GALNT14: variants seen among roughly 807,000 people sequenced by gnomAD.
The protein encoded by GALNT14 is polypeptide N-acetylgalactosaminyltransferase 14.
In GALNT14, 60 loss-of-function variants were observed where a neutral mutation model predicts 77.5. That is an observed-to-expected ratio of 0.77 (90% confidence interval 0.63 to 0.96). The LOEUF (loss-of-function observed/expected upper bound fraction) is 0.96, where lower values mean the gene tolerates loss of function less well. GALNT14 is among the 40% of genes least tolerant of loss of function. GALNT14 has a pLI of 0.00. For missense variants in GALNT14, 710 were observed against 731.0 expected (o/e 0.97, Z 0.33); for synonymous variants, 280 against 281.7 (o/e 0.99, Z 0.06).
At chr2:30,934,298 T>C (rs28393426) in intron 9 of GALNT14, among the ~76,000 whole-genome samples, 2 of 152,126 alleles carry the variant, frequency 1.3e-5, no homozygotes, top group Non-Finnish European at 1.5e-5. Flanking sequence ...TTCAGTCTCA[T>C]GTCTGTGCTC....
chr2:30,895,964 G>A, the GALNT14 span, among the ~76,000 whole-genome samples: 1 of 152,138 alleles, frequency 6.6e-6, no homozygotes, highest in African/African-American at 2.4e-5. Flanking sequence ...GGGAGGCATG[G>A]CCACTGAGAA....
intron 1 of GALNT14, among the ~76,000 whole-genome samples, chr2:31,003,719 T>C (rs1670500761): frequency 6.6e-6 from 1 of 152,202 alleles, no homozygotes; most frequent in East Asian, 1.9e-4. Context: ...CCAATAATTA[T>C]TATAATTGCC....
At chr2:31,083,805 T>A (rs979466130) in intron 1 of GALNT14, among the ~76,000 whole-genome samples, 1 of 152,100 alleles carries the variant, frequency 6.6e-6, no homozygotes, top group Non-Finnish European at 1.5e-5. Flanking sequence ...TCCAAGTCCT[T>A]CCCTATGTGT....
At chr2:30,926,574 G>A (rs1209271867) in intron 11 of GALNT14, among the ~76,000 whole-genome samples, 7 of 152,182 alleles carry the variant, frequency 4.6e-5, no homozygotes, top group Admixed American at 4.6e-4. Flanking sequence ...TAATGCCAGA[G>A]AGAATATGTA....
chr2:30,967,608 T>C (rs1668089116), intron 2 of GALNT14, among the ~76,000 whole-genome samples: 3 of 152,212 alleles, frequency 2.0e-5, no homozygotes, highest in African/African-American at 4.8e-5. Context: ...CTGTCCTCTC[T>C]GCCAGAAACA....
intron 1 of GALNT14, among the ~76,000 whole-genome samples, chr2:31,030,949 G>C (rs1573201096): frequency 6.6e-6 from 1 of 152,180 alleles, no homozygotes; most frequent in Non-Finnish European, 1.5e-5. Context: ...GAAGGATTTT[G>C]ATAGCCCCAG....
rs547052626 is a variant in GALNT14 at position 31,138,393 on chromosome 2, TGCCGCCGCCGCC to T, written c.-319_-308del. 5 of 341,138 alleles carry T rather than the reference TGCCGCCGCCGCC, an allele frequency of 1.5e-5. No homozygotes were observed. The highest frequency in any genetic ancestry group is 2.7e-5 in the Non-Finnish European group (5 of 186,000). 21.1% of individuals were successfully genotyped at this position (341,138 alleles called of 1,614,324 possible). A position where few individuals can be genotyped will look rare whatever the true frequency, so the allele number is the denominator to read the frequency against. On this transcript the variant is annotated 5_prime_UTR_variant, in exon 1 of 15. Coordinates refer to ENST00000349752, the MANE Select transcript of GALNT14 (RefSeq NM_024572.4). ...ATGTTCCCCACGCCGCCACCGCGGC[TGCCGCCGCCGCC>T]GCCGCCGCCTTGCCCGCTGCCGCCG...
intron 1 of GALNT14, among the ~76,000 whole-genome samples, chr2:31,039,597 A>G (rs1356335874): frequency 6.6e-6 from 1 of 152,154 alleles, no homozygotes; most frequent in Non-Finnish European, 1.5e-5. Context: ...TCTTCCTCAT[A>G]TGTTCCCTCA....
intron 1 of GALNT14, among the ~76,000 whole-genome samples, chr2:31,065,704 A>G (rs947183729): frequency 1.2e-4 from 19 of 152,166 alleles, no homozygotes; most frequent in Non-Finnish European, 1.9e-4. Flanking sequence ...TTGAAGCACT[A>G]TGGAAGGCAT....
chr2:31,009,622 A>G (rs1267735695), intron 1 of GALNT14, among the ~76,000 whole-genome samples: 3 of 152,198 alleles, frequency 2.0e-5, no homozygotes, highest in Non-Finnish European at 4.4e-5. Flanking sequence ...TGCCCACTTA[A>G]GGTCTCACAA....
intron 1 of GALNT14, among the ~76,000 whole-genome samples, chr2:31,102,931 A>G (rs534934038): frequency 6.6e-6 from 1 of 152,024 alleles, no homozygotes; most frequent in Admixed American, 6.6e-5. Context: ...ACTACTTTTT[A>G]TATCTCTATT....
At chr2:31,079,635 C>G (rs577507475) in intron 1 of GALNT14, among the ~76,000 whole-genome samples, 1 of 152,300 alleles carries the variant, frequency 6.6e-6, no homozygotes, top group East Asian at 1.9e-4. Context: ...GCTAATAAAA[C>G]CCTACGTCTC....
intron 10 of GALNT14, among the ~76,000 whole-genome samples, chr2:30,930,806 C>T (rs1665680516): frequency 1.3e-5 from 2 of 152,230 alleles, no homozygotes; most frequent in Non-Finnish European, 2.9e-5. Context: ...CTCCCTGGCC[C>T]CTTCCACTGA....
chr2:31,050,783 T>G (rs1212831049), intron 1 of GALNT14, among the ~76,000 whole-genome samples: 1 of 151,774 alleles, frequency 6.6e-6, no homozygotes, highest in Non-Finnish European at 1.5e-5. Flanking sequence ...TGTTTTTTTT[T>G]TTTTTTCAAA....
chr2:30,934,318 C>T (rs895320965), intron 9 of GALNT14, among the ~76,000 whole-genome samples: 4 of 152,178 alleles, frequency 2.6e-5, no homozygotes, highest in South Asian at 2.1e-4. Flanking sequence ...CCAATCAACT[C>T]CTCTCCAGAG....
At chr2:31,098,614 T>C (rs539303964) in intron 1 of GALNT14, among the ~76,000 whole-genome samples, 2 of 152,256 alleles carry the variant, frequency 1.3e-5, no homozygotes, top group South Asian at 4.1e-4. Context: ...GATGTAAGTA[T>C]AAATGCGGTT....
chr2:31,026,187 G>A (rs1206946520), intron 1 of GALNT14, among the ~76,000 whole-genome samples: 3 of 152,160 alleles, frequency 2.0e-5, no homozygotes, highest in Non-Finnish European at 2.9e-5. Flanking sequence ...AGTAAGGGGC[G>A]GGGCCACTGG....
At chr2:30,987,059 T>G (rs974762188) in intron 2 of GALNT14, 6 of 152,228 alleles carry the variant, frequency 3.9e-5, no homozygotes, top group Non-Finnish European at 8.8e-5. Context: ...TTAGCCAGTC[T>G]AACACCTTTA....
At chr2:31,024,703 C>G (rs906777915) in intron 1 of GALNT14, among the ~76,000 whole-genome samples, 2 of 152,184 alleles carry the variant, frequency 1.3e-5, no homozygotes, top group Non-Finnish European at 2.9e-5. Flanking sequence ...ATGTTGGCCT[C>G]GTGAGGACAG....
Sources: gnomAD v4.1 joint callset for allele counts (sites outside exome capture counted in the v4.1 genomes callset) on GRCh38, gnomAD v4.1.1 for gene constraint, MANE v1.5 for transcripts, NCBI Gene and HGNC (gene_info 2026-07-23, HGNC 2026-07-21) for gene names.